The following MEGF11 variants were observed in gnomAD, a reference collection of about 807,000 sequenced individuals.
MEGF11 encodes multiple epidermal growth factor-like domains protein 11.
A neutral mutation model predicts 146.6 loss-of-function variants in MEGF11; 126 were observed. The ratio of observed to expected loss-of-function variants is 0.86; its 90% confidence interval spans 0.74 to 1.00. MEGF11 has a LOEUF of 1.00. Among genes scored for constraint, MEGF11 ranks in the 50% least tolerant of loss-of-function variants. The pLI, the probability that MEGF11 is intolerant of heterozygous loss-of-function variation, is 0.00. For missense variants in MEGF11, 1,509 were observed against 1,521.2 expected (o/e 0.99, Z 0.13); for synonymous variants, 532 against 583.4 (o/e 0.91, Z 1.27).
At position 66,224,142 on chromosome 15, in the gene MEGF11, C is replaced by T. The variant is rs144018516; in HGVS notation, c.-9+29463G>A. 7.9e-5 allele frequency among the ~76,000 whole-genome samples: 12 copies of T among 152,326 alleles called. No homozygotes were observed. In the East Asian group the frequency reaches 2.1e-3, roughly 27 times the overall value. On this transcript the variant is annotated intron_variant, in intron 1 of 25. Transcript: ENST00000395614. Reference sequence around the variant, plus strand: ...GACCACTTAGCATTAATCCCAGCTCCGCCTATTACCAGCTCTGTGACCTTG... The same window carrying T: ...GACCACTTAGCATTAATCCCAGCTCTGCCTATTACCAGCTCTGTGACCTTG...
chr15:65,999,899 A>G (rs892936010), intron 5 of MEGF11, among the ~76,000 whole-genome samples: 1 of 152,120 alleles, frequency 6.6e-6, no homozygotes, highest in African/African-American at 2.4e-5. Flanking sequence ...CCTTCAGGGG[A>G]GGCACTTGGT....
chr15:65,971,894 A>T (rs2081309751), intron 7 of MEGF11, among the ~76,000 whole-genome samples: 1 of 152,202 alleles, frequency 6.6e-6, no homozygotes, highest in Non-Finnish European at 1.5e-5. Context: ...AAACCTAAAA[A>T]AAGAGAAGGA....
chr15:66,030,333 C>T (rs949851991), intron 5 of MEGF11, among the ~76,000 whole-genome samples: 16 of 152,204 alleles, frequency 1.1e-4, no homozygotes, highest in African/African-American at 3.9e-4. Context: ...TATGTCAATA[C>T]ACATGACATA....
intron 1 of MEGF11, among the ~76,000 whole-genome samples, chr15:66,244,946 C>A (rs1325226318): frequency 6.6e-6 from 1 of 152,108 alleles, no homozygotes; most frequent in African/African-American, 2.4e-5. Flanking sequence ...ACTGGGAAGA[C>A]AATAAACACA....
intron 1 of MEGF11, among the ~76,000 whole-genome samples, chr15:66,143,832 C>A (rs918508314): frequency 7.2e-5 from 11 of 152,150 alleles, no homozygotes; most frequent in African/African-American, 2.7e-4. Context: ...CCTCATTCAC[C>A]GTGTCCTTTG....
At chr15:66,171,962 T>C (rs1323771502) in intron 1 of MEGF11, among the ~76,000 whole-genome samples, 1 of 152,178 alleles carries the variant, frequency 6.6e-6, no homozygotes, top group Non-Finnish European at 1.5e-5. Flanking sequence ...TCCAGCTCCC[T>C]GCGCAGAGCC....
chr15:66,041,363 T>G (rs2083968056), intron 5 of MEGF11, among the ~76,000 whole-genome samples: 1 of 152,240 alleles, frequency 6.6e-6, no homozygotes, highest in South Asian at 2.1e-4. Context: ...TCAGATTTCC[T>G]GTCTGCAGAG....
chr15:65,980,471 T>C (rs1195647880), intron 7 of MEGF11, among the ~76,000 whole-genome samples: 1 of 144,020 alleles, frequency 6.9e-6, no homozygotes, highest in African/African-American at 2.6e-5. Flanking sequence ...CAAATTGATC[T>C]TGGCTGTGAC....
At position 65,982,390 on chromosome 15, in the gene MEGF11, C is replaced by T; in HGVS notation, c.493G>A (p.Ala165Thr). 1 of 1,531,638 alleles carries T rather than the reference C, an allele frequency of 6.5e-7. No homozygotes were observed. Among genetic ancestry groups the T allele is most frequent in the Non-Finnish European group, 8.8e-7 (1 of 1,141,278 alleles). The allele number at this position is 1,531,638 out of a possible 1,614,324, so 94.9% of individuals were successfully genotyped here. Residue 165 changes from alanine (A) to threonine (T), a missense_variant, in exon 6 of 26, where the codon GCC (alanine) becomes ACC (threonine). By Grantham distance (58) the Ala-to-Thr change is moderately conservative. Coordinates refer to ENST00000395614, the MANE Select transcript of MEGF11 (RefSeq NM_001385028.1). The surrounding 1 kb of genome is among the most constrained non-coding windows in gnomAD (Gnocchi z 5.6). ...TCGCAGCGCCATCCACGGAAGCCGGCGGCGCACACGCAGGCGCCTGTGATG... is the reference window on the plus strand; with the variant it reads ...TCGCAGCGCCATCCACGGAAGCCGGTGGCGCACACGCAGGCGCCTGTGATG... Reference protein sequence around the residue: ...NPITGACVCAAGFRGWRCEEL... With the variant: ...NPITGACVCATGFRGWRCEEL...
chr15:66,223,362 G>A (rs912240237), intron 1 of MEGF11, among the ~76,000 whole-genome samples: 1 of 151,422 alleles, frequency 6.6e-6, no homozygotes, highest in Non-Finnish European at 1.5e-5. Flanking sequence ...TGACTGATAA[G>A]GGATATAGGG....
At chr15:66,183,211 A>C (rs1009458923) in intron 1 of MEGF11, among the ~76,000 whole-genome samples, 3 of 152,278 alleles carry the variant, frequency 2.0e-5, no homozygotes, top group Middle Eastern at 3.4e-3. Context: ...GAGAAGATAC[A>C]CACGGTGGCT....
intron 5 of MEGF11, among the ~76,000 whole-genome samples, chr15:66,027,765 C>T (rs28591358): frequency 0.015 from 2,341 of 152,304 alleles, 54 homozygotes; most frequent in African/African-American, 0.052. Context: ...TCACTGCCCT[C>T]TATGCCCTCC....
chr15:65,924,552 T>G (rs188455127), intron 13 of MEGF11, among the ~76,000 whole-genome samples: 1 of 151,908 alleles, frequency 6.6e-6, no homozygotes, highest in East Asian at 1.9e-4. Context: ...CATAAAACTG[T>G]TCAAGGTTTT....
chr15:66,220,933 C>T (rs542924727), intron 1 of MEGF11, among the ~76,000 whole-genome samples: 2 of 152,078 alleles, frequency 1.3e-5, no homozygotes, highest in South Asian at 2.1e-4. Context: ...TATACACTTC[C>T]CCCAAAAAGT....
At chr15:66,120,890 A>T (rs1567251347) in intron 3 of MEGF11, among the ~76,000 whole-genome samples, 1 of 152,168 alleles carries the variant, frequency 6.6e-6, no homozygotes, top group Non-Finnish European at 1.5e-5. Flanking sequence ...CTCAGGAAAG[A>T]GTTGCCACCC....
intron 4 of MEGF11, among the ~76,000 whole-genome samples, chr15:66,103,884 C>T (rs546695063): frequency 6.6e-6 from 1 of 152,302 alleles, no homozygotes; most frequent in South Asian, 2.1e-4. Flanking sequence ...CGTAGGGGCC[C>T]ATTCTTTTAA....
At chr15:66,132,355 CA>C (rs751460303) in intron 1 of MEGF11, among the ~76,000 whole-genome samples, 1 of 152,256 alleles carries the variant, frequency 6.6e-6, no homozygotes, top group Non-Finnish European at 1.5e-5. Context: ...CCTTAAGATC[CA>C]TCTAAGCAAA....
At position 65,909,817 on chromosome 15, in the gene MEGF11, A is replaced by G. The variant is rs773446605; in HGVS notation, c.2830-11T>C. 8.2e-5 allele frequency: 129 copies of G among 1,564,600 alleles called. No homozygotes were observed. The highest frequency in any genetic ancestry group is 1.1e-4 in the Non-Finnish European group (123 of 1,162,714). On this transcript the variant is annotated splice_polypyrimidine_tract_variant and intron_variant, in intron 21 of 25. Transcript: ENST00000395614. ...GGACTTGTTACTGAGCTGTTTGGAG[A>G]GTAGGAGAGCCAGTTAATATCTAGT... is the stretch of plus-strand genomic sequence containing the variant.
chr15:65,938,571 C>G (rs916546256), intron 10 of MEGF11, among the ~76,000 whole-genome samples: 1 of 152,226 alleles, frequency 6.6e-6, no homozygotes, highest in Non-Finnish European at 1.5e-5. Flanking sequence ...ACACCACCTA[C>G]AGGGCAGGTC....
Sources: allele counts gnomAD v4.1 joint callset (sites outside exome capture counted in the v4.1 genomes callset), GRCh38; gene constraint gnomAD v4.1.1; non-coding constraint Gnocchi (gnomAD v3.1); transcripts MANE v1.5; gene names NCBI Gene and HGNC (gene_info 2026-07-23, HGNC 2026-07-21).